ERGIC1: variants seen among roughly 807,000 people sequenced by gnomAD.
The protein encoded by ERGIC1 is endoplasmic reticulum-Golgi intermediate compartment protein 1.
Under a neutral mutation model 38.3 loss-of-function variants are expected in ERGIC1, and 19 were observed. That is an observed-to-expected ratio of 0.50 (90% CI 0.35 to 0.73). ERGIC1 has a LOEUF of 0.73. ERGIC1 is among the 30% of genes least tolerant of loss of function. The pLI, the probability that ERGIC1 is intolerant of heterozygous loss-of-function variation, is 0.01. For missense variants in ERGIC1, 294 were observed against 389.2 expected, an observed-to-expected ratio of 0.76 and a Z score of 2.06; for synonymous variants, 124 against 157.6, an observed-to-expected ratio of 0.79 and a Z score of 1.60.
Position 172,834,364 on chromosome 5 carries a change from G to C in ERGIC1, c.-50G>C. ...TTGGCAGCGGGCTCGGACCCACGCG[G>C]CGCCGCGGCCCGCCTGGCCTGCAGC... On this transcript the variant is annotated 5_prime_UTR_variant, in exon 1 of 10. Coordinates refer to ENST00000393784, the MANE Select transcript of ERGIC1 (RefSeq NM_001031711.3). This position sits in a 1 kb window ranked among gnomAD's most constrained non-coding sequence, Gnocchi z 4.1. 4.8e-6 allele frequency: 6 copies of C among 1,262,234 alleles called. No homozygotes were observed. The highest frequency in any genetic ancestry group is 6.0e-6 in the Non-Finnish European group (6 of 1,003,972). The allele number at this position is 1,262,234 out of a possible 1,614,324, so 78.2% of individuals were successfully genotyped here. A position where few individuals can be genotyped will look rare whatever the true frequency, so the allele number is the denominator to read the frequency against.
rs558657180 is a variant in ERGIC1, at chr5:172,950,632, A to C, written c.766-77A>C. 396 of 1,281,952 alleles carry C rather than the reference A, an allele frequency of 3.1e-4. 3 individuals are homozygous for C. The African/African-American group carries it at 5.4e-3, about 18-fold the overall frequency. The allele number at this position is 1,281,952 out of a possible 1,614,324, so 79.4% of individuals were successfully genotyped here. A position where few individuals can be genotyped will look rare whatever the true frequency, so the allele number is the denominator to read the frequency against. ...GCCTTGCAGAGCCCATCATCTCATG[A>C]TGTGGGAGGGGTCTGGCCTGGTTCA... On this transcript the variant is annotated intron_variant, in intron 9 of 9. Coordinates refer to ENST00000393784, the MANE Select transcript of ERGIC1 (RefSeq NM_001031711.3).
intron 2 of ERGIC1, among the ~76,000 whole-genome samples, chr5:172,889,063 T>A (rs1762494242): frequency 6.6e-6 from 1 of 152,158 alleles, no homozygotes; most frequent in Admixed American, 6.5e-5. Flanking sequence ...GGCGGGTGGA[T>A]CAATTGACAT....
At chr5:172,908,352 G>GGGGGA (rs1491131088) in intron 3 of ERGIC1, among the ~76,000 whole-genome samples, 16 of 83,862 alleles carry the variant, frequency 1.9e-4, no homozygotes, top group Non-Finnish European at 2.4e-4. Flanking sequence ...GAGGGGGGGG[G>GGGGGA]TGGATCATGA....
intron 7 of ERGIC1, among the ~76,000 whole-genome samples, chr5:172,931,485 C>T (rs977180151): frequency 6.6e-6 from 1 of 152,210 alleles, no homozygotes; most frequent in Non-Finnish European, 1.5e-5. Flanking sequence ...TCAGCAGCTC[C>T]CCCATCCAGG....
rs565397769 is a variant in ERGIC1 at position 172,889,642 on chromosome 5, A to T, written c.82+882A>T. On this transcript the variant is annotated intron_variant, in intron 2 of 9. Transcript: ENST00000393784. Reference sequence around the variant, plus strand: ...TGGCTTAGAAGCCAGAGAATTAAGAAAGAGTTCTGTGGGTCCTAATTGATA... The same window carrying T: ...TGGCTTAGAAGCCAGAGAATTAAGATAGAGTTCTGTGGGTCCTAATTGATA... 2.6e-5 allele frequency among the ~76,000 whole-genome samples: 4 copies of T among 152,340 alleles called. No individual in the cohort carries two copies. The East Asian group carries it at 7.7e-4, about 29-fold the overall frequency.
intron 9 of ERGIC1, among the ~76,000 whole-genome samples, chr5:172,948,269 C>G (rs994591689): frequency 1.3e-5 from 2 of 152,218 alleles, no homozygotes; most frequent in African/African-American, 4.8e-5. Context: ...CTCACAGGCC[C>G]CCGCTTAGCT....
intron 3 of ERGIC1, chr5:172,897,786 G>A (rs1762759129): frequency 4.8e-6 from 2 of 413,606 alleles, no homozygotes; most frequent in East Asian, 3.6e-5. Context: ...GGGCGAGGTT[G>A]CTGACATCAG....
At chr5:172,949,440 GAGCAC>G (rs1229982887) in intron 9 of ERGIC1, among the ~76,000 whole-genome samples, 1 of 152,180 alleles carries the variant, frequency 6.6e-6, no homozygotes, top group African/African-American at 2.4e-5. Context: ...GGTAGGCATG[GAGCAC>G]TGTAACCCAC....
At chr5:172,911,460 C>A (rs1197736928) in intron 4 of ERGIC1, among the ~76,000 whole-genome samples, 3 of 152,226 alleles carry the variant, frequency 2.0e-5, no homozygotes, top group Non-Finnish European at 4.4e-5. Flanking sequence ...ACCTCCACCC[C>A]ATTCCCTGCC....
Position 172,900,721 on chromosome 5 carries a change from AC to A in ERGIC1, c.155+3648del, listed in dbSNP as rs67696009. Among the ~76,000 whole-genome samples the A allele has an allele frequency of 1.4e-4, 20 of 146,024 alleles. 1 individual carries two copies. Among genetic ancestry groups the A allele is most frequent in the African/African-American group, 1.7e-4 (7 of 40,242 alleles). Reference sequence around the variant, plus strand: ...CGAGACCCTATCTCAAAAAAAAAAAACAAAAAAAAACATGAGGACATTTTTT... The same window carrying A: ...CGAGACCCTATCTCAAAAAAAAAAAAAAAAAAAAACATGAGGACATTTTTT... On this transcript the variant is annotated intron_variant, in intron 3 of 9. Coordinates refer to ENST00000393784, the MANE Select transcript of ERGIC1 (RefSeq NM_001031711.3).
At chr5:172,873,341 C>T (rs1008970885) in intron 1 of ERGIC1, among the ~76,000 whole-genome samples, 4 of 152,244 alleles carry the variant, frequency 2.6e-5, no homozygotes, top group Non-Finnish European at 5.9e-5. Flanking sequence ...GCCTGACTCC[C>T]GGCCAAGCCC....
intron 3 of ERGIC1, chr5:172,905,934 T>C (rs542750897): frequency 1.0e-4 from 39 of 383,604 alleles, no homozygotes; most frequent in African/African-American, 7.6e-4. Context: ...TTTAGCCTAA[T>C]TGGTATTTCA....
chr5:172,835,819 C>T (rs897330612), intron 1 of ERGIC1, among the ~76,000 whole-genome samples: 14 of 152,336 alleles, frequency 9.2e-5, no homozygotes, highest in African/African-American at 2.9e-4. Context: ...TTGCCCCTGC[C>T]GGGCAGCCCT....
intron 1 of ERGIC1, among the ~76,000 whole-genome samples, chr5:172,879,866 G>A (rs1762237634): frequency 6.6e-6 from 1 of 152,146 alleles, no homozygotes; most frequent in Non-Finnish European, 1.5e-5. Context: ...GCCATGGAAT[G>A]TTTAGCAGTA....
intron 1 of ERGIC1, among the ~76,000 whole-genome samples, chr5:172,864,934 C>G (rs1289288684): frequency 6.6e-6 from 1 of 152,014 alleles, no homozygotes; most frequent in Non-Finnish European, 1.5e-5. Context: ...ATTTTCATGT[C>G]CTTGAGGCCT....
Position 172,893,935 on chromosome 5 carries a change from G to GTATA in ERGIC1, c.83-3051_83-3048dup, listed in dbSNP as rs1554110408. Among the ~76,000 whole-genome samples, 111 of 42,772 alleles carry GTATA rather than the reference G, an allele frequency of 2.6e-3. 3 individuals are homozygous for GTATA. Among genetic ancestry groups the GTATA allele is most frequent in the African/African-American group, 6.4e-3 (77 of 12,008 alleles). 28.1% of individuals were successfully genotyped at this position (42,772 alleles called of 152,430 possible). ...TGTGTGTGTGTGTGTGTGTGTGTGT[G>GTATA]TATATATATATATATATATTTAAAT... On this transcript the variant is annotated intron_variant, in intron 2 of 9. Coordinates refer to ENST00000393784, the MANE Select transcript of ERGIC1 (RefSeq NM_001031711.3).
intron 9 of ERGIC1, among the ~76,000 whole-genome samples, chr5:172,946,867 TTC>T (rs1764133206): frequency 9.6e-6 from 1 of 103,672 alleles, no homozygotes; most frequent in African/African-American, 3.8e-5. Context: ...GCCACTAGAG[TTC>T]TCTCAGCATT....
chr5:172,910,018 G>A (rs1298227032), intron 4 of ERGIC1, among the ~76,000 whole-genome samples: 8 of 152,216 alleles, frequency 5.3e-5, no homozygotes, highest in Non-Finnish European at 1.0e-4. Flanking sequence ...TTAGGGTCAT[G>A]TTACAGCTTC....
intron 3 of ERGIC1, chr5:172,905,331 T>G: frequency 2.6e-6 from 1 of 377,484 alleles, no homozygotes; most frequent in Non-Finnish European, 5.9e-6. Context: ...ACAGCTGGGG[T>G]AGAAATTGGG....
Sources: gnomAD v4.1 joint callset for allele counts (sites outside exome capture counted in the v4.1 genomes callset) on GRCh38, gnomAD v4.1.1 for gene constraint, Gnocchi (gnomAD v3.1) non-coding constraint, MANE v1.5 for transcripts, NCBI Gene and HGNC (gene_info 2026-07-23, HGNC 2026-07-21) for gene names.